DLGAP2: variants seen among roughly 807,000 people sequenced by gnomAD.
DLGAP2 encodes the protein disks large-associated protein 2.
A neutral mutation model predicts 100.3 loss-of-function variants in DLGAP2; 26 were observed. The ratio of observed to expected loss-of-function variants is 0.26; its 90% CI spans 0.19 to 0.36. The LOEUF is 0.36. Ranked by LOEUF, DLGAP2 falls within the 10% of genes least tolerant of loss-of-function variation. The pLI is 1.00. For synonymous variants in DLGAP2, 886 were observed against 630.1 expected (o/e 1.41, Z -6.08); for missense variants, 1,858 against 1,453.2 (o/e 1.28, Z -4.53).
At chr8:767,670 T>G (rs1352411344) in intron 1 of DLGAP2, among the ~76,000 whole-genome samples, 1 of 152,122 alleles carries the variant, frequency 6.6e-6, no homozygotes, top group African/African-American at 2.4e-5. Flanking sequence ...TTTAATTGTT[T>G]AAGGTACAAG....
intron 6 of DLGAP2, among the ~76,000 whole-genome samples, chr8:1,571,361 G>A (rs1802668299): frequency 7.2e-6 from 1 of 139,576 alleles, no homozygotes; most frequent in African/African-American, 2.7e-5. Context: ...CATCTGATGA[G>A]ATGGAGAGGA....
At chr8:931,873 G>A (rs2129003513) in intron 2 of DLGAP2, among the ~76,000 whole-genome samples, 1 of 152,292 alleles carries the variant, frequency 6.6e-6, no homozygotes, top group South Asian at 2.1e-4. Flanking sequence ...GCAATTTTGA[G>A]TCCTTTTGCT....
intron 3 of DLGAP2, among the ~76,000 whole-genome samples, chr8:1,326,334 T>A (rs1175205913): frequency 6.6e-6 from 1 of 152,220 alleles, no homozygotes; most frequent in Non-Finnish European, 1.5e-5. Flanking sequence ...AGTGGAAATA[T>A]TGAACTAAAA....
intron 3 of DLGAP2, among the ~76,000 whole-genome samples, chr8:1,476,668 G>A (rs1798938697): frequency 1.3e-5 from 2 of 152,004 alleles, no homozygotes. Flanking sequence ...ACTGCTGTTG[G>A]CCAACCCACC....
At chr8:857,500 C>A (rs1226694043) in intron 1 of DLGAP2, among the ~76,000 whole-genome samples, 1 of 152,152 alleles carries the variant, frequency 6.6e-6, no homozygotes, top group Non-Finnish European at 1.5e-5. Flanking sequence ...AGAAAACAAC[C>A]TGATTTTTAA....
chr8:1,532,496 A>G (rs1037309482), intron 4 of DLGAP2, among the ~76,000 whole-genome samples: 2 of 152,232 alleles, frequency 1.3e-5, no homozygotes, highest in African/African-American at 4.8e-5. Context: ...ATGGAATACT[A>G]TAATTACCTA....
At chr8:1,055,180 T>C (rs1050729908) in intron 2 of DLGAP2, among the ~76,000 whole-genome samples, 4 of 152,260 alleles carry the variant, frequency 2.6e-5, no homozygotes, top group Non-Finnish European at 5.9e-5. Context: ...TTTTCTCAAT[T>C]GTCCAATTGT....
chr8:1,417,149 ACT>A (rs1796912023), intron 3 of DLGAP2, among the ~76,000 whole-genome samples: 1 of 111,738 alleles, frequency 8.9e-6, no homozygotes, highest in Admixed American at 8.3e-5. Context: ...GGCGGGGGAG[ACT>A]CTGAGTGAAG....
intron 4 of DLGAP2, among the ~76,000 whole-genome samples, chr8:1,528,691 G>A (rs1454095442): frequency 6.6e-6 from 1 of 152,220 alleles, no homozygotes; most frequent in Non-Finnish European, 1.5e-5. Context: ...AGGTGAGTGG[G>A]TGACCAGATG....
intron 3 of DLGAP2, among the ~76,000 whole-genome samples, chr8:1,429,773 T>C (rs1340746119): frequency 6.6e-6 from 1 of 151,314 alleles, no homozygotes; most frequent in Non-Finnish European, 1.5e-5. Context: ...ATAGAGGATA[T>C]TCAGTGCATG....
Position 1,633,022 on chromosome 8 carries a change from A to C in DLGAP2, c.1786A>C (p.Thr596Pro). ...CIPMMTPSDI[T>P]STIRSTAAVS... ...TCCCATGATGACACCCTCTGACATC[A>C]CCTCCACCATCAGGTCAACAGCAGG... is the stretch of plus-strand genomic sequence containing the variant. Residue 596 changes from threonine (T) to proline (P), a missense_variant, in exon 8 of 15, where the codon ACC becomes CCC. By Grantham distance (38) the Thr-to-Pro change is conservative (BLOSUM62 -1). Coordinates refer to ENST00000637795, the MANE Select transcript of DLGAP2 (RefSeq NM_001346810.2). 6.2e-7 allele frequency: 1 copy of C among 1,613,790 alleles called. No homozygotes were observed. Among genetic ancestry groups the C allele is most frequent in the Admixed American group, 1.7e-5 (1 of 60,000 alleles).
intron 1 of DLGAP2, among the ~76,000 whole-genome samples, chr8:890,391 C>G (rs534295300): frequency 2.6e-5 from 4 of 152,270 alleles, no homozygotes; most frequent in Admixed American, 2.0e-4. Context: ...CTTCCTTGAC[C>G]ATGGAACGTT....
chr8:1,377,564 A>G (rs1795987661), intron 3 of DLGAP2, among the ~76,000 whole-genome samples: 1 of 152,084 alleles, frequency 6.6e-6, no homozygotes, highest in African/African-American at 2.4e-5. Context: ...ATAAAATAAA[A>G]TAAAGATGCA....
At chr8:1,644,273 G>A (rs977130267) in intron 8 of DLGAP2, among the ~76,000 whole-genome samples, 10 of 152,298 alleles carry the variant, frequency 6.6e-5, no homozygotes, top group South Asian at 2.1e-4. Flanking sequence ...AAGCCCGCCC[G>A]ACCAAGAGCC....
intron 1 of DLGAP2, among the ~76,000 whole-genome samples, chr8:859,346 A>C (rs1458738448): frequency 6.6e-6 from 1 of 152,154 alleles, no homozygotes; most frequent in Non-Finnish European, 1.5e-5. Flanking sequence ...TCCTGACCGC[A>C]GCTGATCCAT....
intron 12 of DLGAP2, among the ~76,000 whole-genome samples, chr8:1,689,142 C>A (rs1799187506): frequency 6.6e-6 from 1 of 152,164 alleles, no homozygotes; most frequent in African/African-American, 2.4e-5. Flanking sequence ...GGGTTCACTT[C>A]CCTGGACCTC....
chr8:1,201,751 C>T (rs181627491), intron 2 of DLGAP2, among the ~76,000 whole-genome samples: 28 of 152,316 alleles, frequency 1.8e-4, no homozygotes, highest in Non-Finnish European at 3.4e-4. Flanking sequence ...GGCTTGTGTG[C>T]TGTGCCCTCC....
At chr8:1,195,846 G>A (rs1465253444) in intron 2 of DLGAP2, among the ~76,000 whole-genome samples, 1 of 152,184 alleles carries the variant, frequency 6.6e-6, no homozygotes, top group Non-Finnish European at 1.5e-5. Context: ...GATACGTTCT[G>A]CGAAAACGCT....
At chr8:1,501,096 T>C (rs1044610475) in intron 3 of DLGAP2, among the ~76,000 whole-genome samples, 9 of 151,850 alleles carry the variant, frequency 5.9e-5, no homozygotes, top group African/African-American at 2.2e-4. Flanking sequence ...GAGTTAAAGC[T>C]GAGAATCATT....
Sources: gnomAD v4.1 joint callset for allele counts (sites outside exome capture counted in the v4.1 genomes callset) on GRCh38, gnomAD v4.1.1 for gene constraint, MANE v1.5 for transcripts, NCBI Gene and HGNC (gene_info 2026-07-23, HGNC 2026-07-21) for gene names.